Variants in SLC66A2 observed in about 807,000 individuals in gnomAD.
SLC66A2 encodes solute carrier family 66 member 2, also known as PQ loop repeat containing 1.
Under a neutral mutation model 25.5 loss-of-function variants are expected in SLC66A2, and 23 were observed. The observed-to-expected ratio is 0.90, with a 90% CI of 0.65 to 1.28. The LOEUF is 1.28. SLC66A2 is among the 50% of genes most tolerant of loss of function. SLC66A2 has a pLI of 0.00. For synonymous variants in SLC66A2, 193 were observed against 166.5 expected (o/e 1.16, Z -1.23); for missense variants, 396 against 373.1 (o/e 1.06, Z -0.51).
chr18:79,947,603 CACCCCAGCCCCTTCT>C (rs2050972451), intron 2 of SLC66A2, among the ~76,000 whole-genome samples: 1 of 4,832 alleles, frequency 2.1e-4, no homozygotes, highest in Non-Finnish European at 2.3e-3. Flanking sequence ...TCTCTGCCCC[CACCCCAGCCCCTTCT>C]CACCGGAGCC....
chr18:79,948,861 AC>A (rs1411599280), intron 2 of SLC66A2, among the ~76,000 whole-genome samples: 3 of 152,080 alleles, frequency 2.0e-5, no homozygotes, highest in Non-Finnish European at 2.9e-5. Flanking sequence ...CGTCTCCCCA[AC>A]CCCCACAACA....
At chr18:79,946,731 G>A (rs924117843) in intron 2 of SLC66A2, among the ~76,000 whole-genome samples, 3 of 152,244 alleles carry the variant, frequency 2.0e-5, no homozygotes, top group African/African-American at 7.2e-5. Context: ...ACTTTGGGAG[G>A]CCAAGGCAGG....
intron 4 of SLC66A2, chr18:79,930,202 CAA>C (rs1986423230): frequency 1.3e-5 from 2 of 151,936 alleles, no homozygotes; most frequent in Admixed American, 1.3e-4. Context: ...TTGAAAGTAG[CAA>C]GAGAAAAATA....
chr18:79,908,965 T>C (rs1982533810), intron 5 of SLC66A2, among the ~76,000 whole-genome samples: 1 of 152,274 alleles, frequency 6.6e-6, no homozygotes, highest in Admixed American at 6.5e-5. Flanking sequence ...ATAAGTCTGA[T>C]CTGTCAGCCT....
At chr18:79,934,103 G>T in intron 3 of SLC66A2, 81 bp from the exon 4 acceptor site, 5 of 1,078,566 alleles carry the variant, frequency 4.6e-6, no homozygotes, top group Non-Finnish European at 6.9e-6. Flanking sequence ...AAACAGCTGT[G>T]TTCCCAGAAC....
rs1011714655 is a variant in SLC66A2, at chr18:79,918,338, G to C, written c.608+846C>G. 6.6e-6 allele frequency among the ~76,000 whole-genome samples: 1 copy of C among 151,466 alleles called. No homozygotes were observed. Among genetic ancestry groups the C allele is most frequent in the Non-Finnish European group, 1.5e-5 (1 of 67,804 alleles). ...GCCTCAGCATCTGTATTGGAGACCA[G>C]ACTCAAGCAACGTGTGGGGGCTCAG... On this transcript the variant is annotated intron_variant, in intron 5 of 5. Coordinates refer to ENST00000397778, the MANE Select transcript of SLC66A2 (RefSeq NM_025078.5). This position sits in a 1 kb window ranked among gnomAD's most constrained non-coding sequence, Gnocchi z 4.0.
At position 79,907,353 on chromosome 18, in the gene SLC66A2, G is replaced by GT. The variant is rs35589700; in HGVS notation, c.609-3171dup. Among the ~76,000 whole-genome samples, 126 of 85,402 alleles carry GT rather than the reference G, an allele frequency of 1.5e-3. 1 individual carries two copies. Among genetic ancestry groups the GT allele is most frequent in the Middle Eastern group, 8.9e-3 (1 of 112 alleles). 56.0% of individuals were successfully genotyped at this position (85,402 alleles called of 152,430 possible). The stretch of plus-strand genomic sequence containing the variant: ...TGTATAGTTTTTTTTTTTTTTGGTT[G>GT]TTTTTTTTTTTTTTTTGAGAAGGAG... On this transcript the variant is annotated intron_variant, in intron 5 of 5. Coordinates refer to ENST00000397778, the MANE Select transcript of SLC66A2 (RefSeq NM_025078.5).
chr18:79,937,641 G>A lies in SLC66A2; in HGVS notation c.338-3619C>T, dbSNP rs1458664689. 1.3e-5 allele frequency among the ~76,000 whole-genome samples: 2 copies of A among 152,144 alleles called. No individual in the cohort carries two copies. The highest frequency in any genetic ancestry group is 1.3e-4 in the Admixed American group (2 of 15,272). On this transcript the variant is annotated intron_variant, in intron 3 of 5. Coordinates refer to ENST00000397778, the MANE Select transcript of SLC66A2 (RefSeq NM_025078.5). This position sits in a 1 kb window ranked among gnomAD's most constrained non-coding sequence, Gnocchi z 5.4. ...CGGCCTCAGCATGAGCCCCACAGTG[G>A]CCGCTGACCACACGCACCTCCGACG... is the stretch of plus-strand genomic sequence containing the variant.
rs1987594868 is a variant in SLC66A2, at chr18:79,940,784, G to C, written c.337+2545C>G. Among the ~76,000 whole-genome samples the C allele has an allele frequency of 6.6e-6, 1 of 152,122 alleles. No homozygotes were observed. Among genetic ancestry groups the C allele is most frequent in the African/African-American group, 2.4e-5 (1 of 41,410 alleles). ...CGTGGACATGTATAAACTCAAACCG[G>C]ACTCCAATATTAAGAGTGCTGCAGA... On this transcript the variant is annotated intron_variant, in intron 3 of 5. Coordinates refer to ENST00000397778, the MANE Select transcript of SLC66A2 (RefSeq NM_025078.5). The surrounding 1 kb of genome is among the most constrained non-coding windows in gnomAD (Gnocchi z 4.1).
At chr18:79,906,235 C>T (rs951631031) in intron 5 of SLC66A2, among the ~76,000 whole-genome samples, 3 of 152,182 alleles carry the variant, frequency 2.0e-5, no homozygotes, top group African/African-American at 7.2e-5. Context: ...GTTTTGTTTT[C>T]ATTTTTGTTG....
At chr18:79,914,157 G>C (rs1983637615) in intron 5 of SLC66A2, among the ~76,000 whole-genome samples, 1 of 152,184 alleles carries the variant, frequency 6.6e-6, no homozygotes, top group Non-Finnish European at 1.5e-5. Flanking sequence ...ACCTGCCCTG[G>C]CCTCCCAAAG....
rs34425104 is a variant in SLC66A2 at position 79,919,327 on chromosome 18, G to A, written c.465C>T (p.Gly155=). 5.8e-4 allele frequency: 941 copies of A among 1,613,280 alleles called. 3 individuals carry two copies. The African/African-American group carries it at 0.011, about 20-fold the overall frequency. Residue 155 remains glycine, a synonymous_variant, in exon 5 of 6, where the codon GGC becomes GGT. Transcript: ENST00000397778. ...DYVQCVLAFT[G]VAGYITYLSI... ...ACAGGTAGGTGATGTAGCCCGCCAC[G>A]CCCGTGAAGGCCAGGACGCACTGCA...
intron 2 of SLC66A2, chr18:79,944,034 TG>T (rs1216522783): frequency 6.2e-6 from 1 of 160,174 alleles, no homozygotes; most frequent in African/African-American, 2.4e-5. Context: ...AGACTCCAGG[TG>T]GGGTAGGGCT....
chr18:79,943,640 C>G, intron 2 of SLC66A2, 178 bp from the exon 3 acceptor site: 1 of 666,806 alleles, frequency 1.5e-6, no homozygotes, highest in South Asian at 2.0e-5. Context: ...CTCTCCCAGT[C>G]CCGAACCTGC....
rs774054109 is a variant in SLC66A2 at position 79,920,160 on chromosome 18, CA to C, written c.392-761del. The stretch of plus-strand genomic sequence containing the variant: ...AGAGGTCAGGGTCAGTGAGGAGAGA[CA>C]GGAACCGAGGGAGAGGTCAAGGTCA... On this transcript the variant is annotated intron_variant, in intron 4 of 5. Transcript: ENST00000397778. 4.0e-3 allele frequency among the ~76,000 whole-genome samples: 17 copies of C among 4,240 alleles called. 1 individual carries two copies. The Non-Finnish European group carries it at 0.043, about 11-fold the overall frequency. 2.8% of individuals were successfully genotyped at this position (4,240 alleles called of 152,430 possible). A position where few individuals can be genotyped will look rare whatever the true frequency, so the allele number is the denominator to read the frequency against.
At chr18:79,913,996 C>T (rs1983614541) in intron 5 of SLC66A2, among the ~76,000 whole-genome samples, 1 of 152,104 alleles carries the variant, frequency 6.6e-6, no homozygotes, top group Non-Finnish European at 1.5e-5. Context: ...GCAACCTCCG[C>T]CCCCCAGGTT....
chr18:79,950,618 C>T (rs72984244), intron 2 of SLC66A2, 106 bp downstream of exon 2: 137,788 of 1,075,158 alleles, frequency 0.13, 9,848 homozygotes, highest in Middle Eastern at 0.21. Context: ...GACGCTGGCC[C>T]AGCAGGGAGG....
At chr18:79,933,384 G>C (rs1336176433) in intron 4 of SLC66A2, among the ~76,000 whole-genome samples, 1 of 152,100 alleles carries the variant, frequency 6.6e-6, no homozygotes, top group African/African-American at 2.4e-5. Context: ...AATAAGATAG[G>C]TGCATCCACT....
At chr18:79,910,225 C>T (rs1982869090) in intron 5 of SLC66A2, among the ~76,000 whole-genome samples, 2 of 143,386 alleles carry the variant, frequency 1.4e-5, no homozygotes, top group Admixed American at 1.4e-4. Flanking sequence ...CAACCTTCCC[C>T]ACATCCTCAC....
Sources: allele counts gnomAD v4.1 joint callset (sites outside exome capture counted in the v4.1 genomes callset), GRCh38; gene constraint gnomAD v4.1.1; non-coding constraint Gnocchi (gnomAD v3.1); transcripts MANE v1.5; gene names NCBI Gene and HGNC (gene_info 2026-07-23, HGNC 2026-07-21).